GLIS3: variants seen among roughly 807,000 people sequenced by gnomAD.
GLIS3 encodes the protein GLIS family zinc finger 3, also known as zinc finger protein GLIS3.
Under a neutral mutation model 78.6 loss-of-function variants are expected in GLIS3, and 53 were observed. The ratio of observed to expected loss-of-function variants is 0.67; its 90% CI spans 0.54 to 0.85. GLIS3 has a LOEUF of 0.85. Ranked by LOEUF, GLIS3 falls within the 40% of genes least tolerant of loss-of-function variation. The probability of loss-of-function intolerance (pLI) is 0.00; values close to 1 mark genes in which losing one functional copy is unlikely to be tolerated. For missense variants in GLIS3, 1,703 were observed against 1,231.1 expected, an observed-to-expected ratio of 1.38 and a Z score of -5.74; for synonymous variants, 684 against 509.9, an observed-to-expected ratio of 1.34 and a Z score of -4.60.
intron 2 of GLIS3, among the ~76,000 whole-genome samples, chr9:4,260,288 C>T (rs1237231438): frequency 2.6e-5 from 4 of 151,974 alleles, no homozygotes; most frequent in Non-Finnish European, 2.9e-5. Flanking sequence ...AAAATTAGGC[C>T]GGGCACAGTG....
chr9:4,315,766 G>A (rs370950373), intron 2 of GLIS3, among the ~76,000 whole-genome samples: 1 of 152,164 alleles, frequency 6.6e-6, no homozygotes, highest in African/African-American at 2.4e-5. Flanking sequence ...GTTCCTGGAA[G>A]GAGAAAGAGT....
chr9:3,988,812 G>T (rs1450085175), intron 4 of GLIS3, among the ~76,000 whole-genome samples: 2 of 151,848 alleles, frequency 1.3e-5, no homozygotes, highest in African/African-American at 4.8e-5. Context: ...ACAACTTTCA[G>T]GGAAAAAAAA....
chr9:4,412,104 T>C, the GLIS3 span, among the ~76,000 whole-genome samples: 4 of 152,192 alleles, frequency 2.6e-5, no homozygotes, highest in Admixed American at 2.6e-4. Context: ...TCTGAAAATG[T>C]CTTGCTCATC....
At chr9:4,042,554 A>G (rs1028370679) in intron 4 of GLIS3, among the ~76,000 whole-genome samples, 1 of 152,212 alleles carries the variant, frequency 6.6e-6, no homozygotes, top group Admixed American at 6.5e-5. Context: ...TTTTACCCCA[A>G]ATCTTCTACA....
At chr9:3,854,218 G>T (rs368323964) in intron 9 of GLIS3, among the ~76,000 whole-genome samples, 33 of 152,212 alleles carry the variant, frequency 2.2e-4, no homozygotes, top group East Asian at 1.7e-3. Context: ...GGCTCAATTT[G>T]ACTGTCTTTT....
chr9:4,162,680 T>C (rs7045481), intron 2 of GLIS3, among the ~76,000 whole-genome samples: 93,954 of 151,328 alleles, frequency 0.62, 29,450 homozygotes, highest in African/African-American at 0.7. Flanking sequence ...CACGGTGAAA[T>C]CCCATCTCTA....
At chr9:4,198,372 C>A (rs1044035890) in intron 2 of GLIS3, among the ~76,000 whole-genome samples, 5 of 152,108 alleles carry the variant, frequency 3.3e-5, no homozygotes, top group East Asian at 1.9e-4. Context: ...CTAATTCTAA[C>A]TCTAGAAGTA....
the GLIS3 span, among the ~76,000 whole-genome samples, chr9:4,472,646 T>C: frequency 6.6e-6 from 1 of 151,920 alleles, no homozygotes; most frequent in South Asian, 2.1e-4. Flanking sequence ...TTAGGAGATA[T>C]ACCTAATGTA....
chr9:4,140,888 T>C (rs1160174317), intron 2 of GLIS3, among the ~76,000 whole-genome samples: 2 of 151,636 alleles, frequency 1.3e-5, no homozygotes, highest in Non-Finnish European at 2.9e-5. Context: ...AACCTCCGCC[T>C]CCTGGGTTCA....
At chr9:4,362,464 C>T in the GLIS3 span, among the ~76,000 whole-genome samples, 1 of 152,166 alleles carries the variant, frequency 6.6e-6, no homozygotes, top group Non-Finnish European at 1.5e-5. Context: ...AGTTGATGAC[C>T]ACACGCTTTC....
Position 3,942,895 on chromosome 9 carries a change from G to C in GLIS3, c.1711-5706C>G, listed in dbSNP as rs112293553. Among the ~76,000 whole-genome samples the C allele has an allele frequency of 5.1e-3, 779 of 151,612 alleles. 6 individuals carry two copies. Among genetic ancestry groups the C allele is most frequent in the African/African-American group, 0.018 (752 of 41,368 alleles). Reference sequence around the variant, plus strand: ...AAAAGACGAAATAAAATAAACAAAAGAACTAGAAAACAAAAGAAGAAAGGA... The same window carrying C: ...AAAAGACGAAATAAAATAAACAAAACAACTAGAAAACAAAAGAAGAAAGGA... On this transcript the variant is annotated intron_variant, in intron 4 of 10. Transcript: ENST00000381971.
At chr9:3,876,349 C>T (rs76628967) in intron 8 of GLIS3, among the ~76,000 whole-genome samples, 138 of 151,878 alleles carry the variant, frequency 9.1e-4, no homozygotes, top group African/African-American at 2.9e-3. Flanking sequence ...TGTGAGATCC[C>T]TATTAGATCC....
rs192841346 is a variant in GLIS3 at position 4,026,830 on chromosome 9, A to G, written c.1711-89641T>C. Among the ~76,000 whole-genome samples, 369 of 152,334 alleles carry G rather than the reference A, an allele frequency of 2.4e-3. 3 individuals are homozygous for G. Among genetic ancestry groups the G allele is most frequent in the Middle Eastern group, 0.014 (4 of 294 alleles). On this transcript the variant is annotated intron_variant, in intron 4 of 10. Coordinates refer to ENST00000381971, the MANE Select transcript of GLIS3 (RefSeq NM_001042413.2). ...AACTTCTATTGGCCAAACACTGTAA[A>G]TATGATCTCATTTAATCCTCACAAT...
At chr9:4,407,709 C>G in the GLIS3 span, among the ~76,000 whole-genome samples, 1 of 152,040 alleles carries the variant, frequency 6.6e-6, no homozygotes, top group African/African-American at 2.4e-5. Context: ...TTGGTCTGGG[C>G]AAGAATTTAT....
chr9:4,311,562 TCC>T (rs774920046), intron 2 of GLIS3, among the ~76,000 whole-genome samples: 1 of 151,840 alleles, frequency 6.6e-6, no homozygotes, highest in Non-Finnish European at 1.5e-5. Flanking sequence ...GGGCCCACTC[TCC>T]CTCCCTCCCA....
intron 8 of GLIS3, among the ~76,000 whole-genome samples, chr9:3,857,287 A>G (rs1819859029): frequency 6.6e-6 from 1 of 152,250 alleles, no homozygotes; most frequent in South Asian, 2.1e-4. Flanking sequence ...AGTAACACGT[A>G]TAGGTCACCA....
chr9:4,167,545 G>T (rs542709101), intron 2 of GLIS3, among the ~76,000 whole-genome samples: 1 of 152,266 alleles, frequency 6.6e-6, no homozygotes, highest in Admixed American at 6.5e-5. Context: ...ATGCCTGACA[G>T]AGTGCTGGTA....
intron 4 of GLIS3, among the ~76,000 whole-genome samples, chr9:4,069,562 T>C (rs979554246): frequency 1.3e-5 from 2 of 152,226 alleles, no homozygotes; most frequent in Admixed American, 1.3e-4. Flanking sequence ...TTTTAACTTA[T>C]CTGTCAAATA....
At chr9:4,303,647 AGACCAAATGCAACT>A (rs528139470), upstream of GLIS3, among the ~76,000 whole-genome samples, 284 of 152,348 alleles carry the variant, frequency 1.9e-3, 2 homozygotes, top group African/African-American at 6.5e-3. Flanking sequence ...AAAATGTGTC[AGACCAAATGCAACT>A]GACCAAAATT....
Sources: allele counts gnomAD v4.1 joint callset (sites outside exome capture counted in the v4.1 genomes callset), GRCh38; gene constraint gnomAD v4.1.1; transcripts MANE v1.5; gene names NCBI Gene and HGNC (gene_info 2026-07-23, HGNC 2026-07-21).